The following PRKDC variants were observed in gnomAD, a reference collection of about 807,000 sequenced individuals.
PRKDC encodes the protein DNA-dependent protein kinase catalytic subunit.
In PRKDC, 82 loss-of-function variants were observed where a neutral mutation model predicts 486.9. That is an observed-to-expected ratio of 0.17 (90% CI 0.14 to 0.20). The LOEUF (loss-of-function observed/expected upper bound fraction) is 0.20. Ranked by LOEUF, PRKDC falls within the 10% of genes least tolerant of loss-of-function variation. The probability of loss-of-function intolerance (pLI) is 1.00; values close to 1 mark genes in which losing one functional copy is unlikely to be tolerated. For missense variants in PRKDC, 4,504 were observed against 5,038.2 expected, an observed-to-expected ratio of 0.89 and a Z score of 3.21; for synonymous variants, 1,895 against 1,837.0, an observed-to-expected ratio of 1.03 and a Z score of -0.81.
chr8:47,778,225 C>T (rs570937679), intron 83 of PRKDC, among the ~76,000 whole-genome samples: 9 of 152,306 alleles, frequency 5.9e-5, no homozygotes, highest in African/African-American at 2.2e-4. Context: ...TTCCTTTGAT[C>T]TGCGAACACA....
Position 47,888,615 on chromosome 8 carries a change from G to T in PRKDC, c.4316C>A (p.Pro1439His), listed in dbSNP as rs749276875. 2 of 1,593,762 alleles carry T rather than the reference G, an allele frequency of 1.3e-6. No homozygotes were observed. The highest frequency in any genetic ancestry group is 2.3e-5 in the South Asian group (2 of 86,954). ...EELCAVNLYG[P>H]DAQVDRSRLA... ...CCTGCTCCTGTCCACTTGCGCGTCA[G>T]GGCCATACAAGTTGACGGCACAAAG... Residue 1439 changes from proline (P) to histidine (H), a missense_variant, in exon 34 of 86, where the codon CCT becomes CAT. This residue lies in a region of PRKDC where 1,969 missense variants were observed against 2,068.9 expected (regional missense o/e 0.95). Coordinates refer to ENST00000314191, the MANE Select transcript of PRKDC (RefSeq NM_006904.7).
chr8:47,907,126 C>T lies in PRKDC; in HGVS notation c.2935-2150G>A, dbSNP rs79188779. Among the ~76,000 whole-genome samples, 1,741 of 151,166 alleles carry T rather than the reference C, an allele frequency of 0.012. 91 individuals are homozygous for T. The East Asian group carries it at 0.13, about 12-fold the overall frequency. On this transcript the variant is annotated intron_variant, in intron 25 of 85. Coordinates refer to ENST00000314191, the MANE Select transcript of PRKDC (RefSeq NM_006904.7). The stretch of plus-strand genomic sequence containing the variant: ...CGCAGTCTCTGCTCACTGCAAGCTC[C>T]GCCTCCCGGGTCCACGCCATTCTCC...
chr8:47,900,779 G>C (rs1280843198), intron 27 of PRKDC, among the ~76,000 whole-genome samples: 3 of 151,842 alleles, frequency 2.0e-5, no homozygotes, highest in African/African-American at 7.3e-5. Flanking sequence ...AACCCGGGAG[G>C]TGGAGCTTGC....
intron 7 of PRKDC, among the ~76,000 whole-genome samples, chr8:47,950,132 C>T (rs528152975): frequency 2.8e-4 from 43 of 151,938 alleles, no homozygotes; most frequent in Non-Finnish European, 4.6e-4. Context: ...ATCCGCTGAG[C>T]ATGGTGGCAC....
chr8:47,849,466 T>C lies in PRKDC; in HGVS notation c.7043A>G (p.Gln2348Arg). 4 of 1,614,036 alleles carry C rather than the reference T, an allele frequency of 2.5e-6. No homozygotes were observed. Among genetic ancestry groups the C allele is most frequent in the Non-Finnish European group, 3.4e-6 (4 of 1,179,908 alleles). ...EESLCELVAKQLKQHQNTMED... is the reference protein window; with the variant it reads ...EESLCELVAKRLKQHQNTMED... ...CATAGTATTCTGATGTTGCTTCAAT[T>C]GTTTCGCAACCAGTTCACACAGAGA... Residue 2348 changes from glutamine (Q) to arginine (R), a missense_variant, in exon 53 of 86, where the codon CAA (glutamine) becomes CGA (arginine). By Grantham distance (43) the Gln-to-Arg change is conservative (BLOSUM62 1). Coordinates refer to ENST00000314191, the MANE Select transcript of PRKDC (RefSeq NM_006904.7).
At chr8:47,863,657 T>A in intron 41 of PRKDC, 80 bp from the exon 42 acceptor site, 1 of 1,185,436 alleles carries the variant, frequency 8.4e-7, no homozygotes, top group Non-Finnish European at 1.2e-6. Context: ...AATTTAATAC[T>A]TAATATCCTT....
rs766871497 is a variant in PRKDC at position 47,831,899 on chromosome 8, C to T, written c.8180G>A (p.Arg2727Gln). 15 of 1,613,502 alleles carry T rather than the reference C, an allele frequency of 9.3e-6. No individual in the cohort carries two copies. The African/African-American group carries it at 1.5e-4, about 16-fold the overall frequency. ...KGAAGRTDLL[R>Q]LRRRFMRDQE... ...GTCCCTCATAAACCGTCTGCGCAGT[C>T]GTAGTAGGTCCGTCCGGCCGGCCGC... The change falls in exon 60 of 86, where the codon CGA becomes CAA. Residue 2727 changes from arginine to glutamine, a missense_variant. Arg to Gln is a conservative substitution (Grantham distance 43, BLOSUM62 1). This residue lies in a region of PRKDC where 1,592 missense variants were observed against 1,724.6 expected (regional missense o/e 0.92). Transcript: ENST00000314191.
In PRKDC at chr8:47,912,062, C is replaced by T. The variant is rs182293952; in HGVS notation, c.2934+348G>A. ...CTGGGATTACAGATGTGAGCCACCG[C>T]GCGCGGCCCATGGTTATTTCTCTCT... On this transcript the variant is annotated intron_variant, in intron 25 of 85. Transcript: ENST00000314191. Among the ~76,000 whole-genome samples the T allele has an allele frequency of 3.0e-3, 451 of 152,222 alleles. 2 individuals are homozygous for T. Among genetic ancestry groups the T allele is most frequent in the Non-Finnish European group, 4.2e-3 (285 of 68,022 alleles).
At position 47,852,702 on chromosome 8, in the gene PRKDC, T is replaced by C. The variant is rs1389341968; in HGVS notation, c.6976A>G (p.Ile2326Val). ...YAAAAEVLGLILRYVMERKNI... is the reference protein window; with the variant it reads ...YAAAAEVLGLVLRYVMERKNI... The stretch of plus-strand genomic sequence containing the variant: ...TTTCTCTCCATAACATATCGAAGTA[T>C]AAGTCCTAGAACTTCTGCTGCAGCG... Residue 2326 changes from isoleucine (I) to valine (V), a missense_variant, in exon 52 of 86, where the codon ATA becomes GTA. Physicochemically the swap from Ile to Val is conservative, Grantham distance 29 (BLOSUM62 3). Transcript: ENST00000314191. 1.3e-6 allele frequency: 2 copies of C among 1,577,032 alleles called. No individual in the cohort carries two copies. The highest frequency in any genetic ancestry group is 8.6e-7 in the Non-Finnish European group (1 of 1,159,360).
In PRKDC at chr8:47,879,568, C is replaced by A; in HGVS notation, c.5158G>T (p.Ala1720Ser). Reference sequence around the variant, plus strand: ...TCCCTGGACTGCATGGGGAAGTGAGCAACGATGAGCTGCTCCAGAACACGT... The same window carrying A: ...TCCCTGGACTGCATGGGGAAGTGAGAAACGATGAGCTGCTCCAGAACACGT... ...LRRVLEQLIV[A>S]HFPMQSREFP... is the part of the protein sequence containing the mutation. Residue 1720 changes from alanine to serine, a missense_variant, in exon 39 of 86, where the codon GCT (alanine) becomes TCT (serine). Ala to Ser is a moderately conservative substitution (Grantham distance 99). Coordinates refer to ENST00000314191, the MANE Select transcript of PRKDC (RefSeq NM_006904.7). 1 of 1,597,820 alleles carries A rather than the reference C, an allele frequency of 6.3e-7. No homozygotes were observed. The highest frequency in any genetic ancestry group is 1.7e-5 in the Admixed American group (1 of 57,490).
At chr8:47,775,851 C>A (rs2154497240) in intron 85 of PRKDC, among the ~76,000 whole-genome samples, 1 of 146,712 alleles carries the variant, frequency 6.8e-6, no homozygotes, top group African/African-American at 2.5e-5. Flanking sequence ...GAGGCAGAGT[C>A]TCACTTTGTC....
intron 4 of PRKDC, among the ~76,000 whole-genome samples, chr8:47,955,016 T>C (rs545042982): frequency 6.6e-6 from 1 of 151,286 alleles, no homozygotes; most frequent in South Asian, 2.1e-4. Context: ...TAGCCAGGCA[T>C]GGTGGCACAT....
chr8:47,903,693 G>A (rs1241352823), intron 26 of PRKDC, among the ~76,000 whole-genome samples: 2 of 152,050 alleles, frequency 1.3e-5, no homozygotes, highest in African/African-American at 4.8e-5. Context: ...CAACTATCTC[G>A]TTTTACTTAT....
rs2089506357 is a variant in PRKDC at position 47,893,378 on chromosome 8, G to C, written c.3608C>G (p.Ser1203Cys). The change falls in exon 31 of 86, where the codon TCC becomes TGC. Residue 1203 changes from serine to cysteine, a missense_variant. This residue lies in a region of PRKDC where 1,969 missense variants were observed against 2,068.9 expected (regional missense o/e 0.95). Coordinates refer to ENST00000314191, the MANE Select transcript of PRKDC (RefSeq NM_006904.7). ...AACATCTTTCAGCCACAAATTAGGGGATCTGTTGCCTTTAAAAAGAAACAA... is the reference window on the plus strand; with the variant it reads ...AACATCTTTCAGCCACAAATTAGGGCATCTGTTGCCTTTAAAAAGAAACAA... ...KFVPLLPGNR[S>C]PNLWLKDVLK... 1 of 1,515,614 alleles carries C rather than the reference G, an allele frequency of 6.6e-7. No individual in the cohort carries two copies. Among genetic ancestry groups the C allele is most frequent in the Middle Eastern group, 1.8e-4 (1 of 5,672 alleles). 93.9% of individuals were successfully genotyped at this position (1,515,614 alleles called of 1,614,324 possible). A position where few individuals can be genotyped will look rare whatever the true frequency, so the allele number is the denominator to read the frequency against.
intron 69 of PRKDC, among the ~76,000 whole-genome samples, chr8:47,806,072 TA>T (rs2087210692): frequency 6.6e-6 from 1 of 152,172 alleles, no homozygotes; most frequent in Non-Finnish European, 1.5e-5. Context: ...TCCATGCCCA[TA>T]AAGCCTACCC....
intron 10 of PRKDC, among the ~76,000 whole-genome samples, chr8:47,942,413 C>G (rs1046750558): frequency 6.6e-6 from 1 of 152,124 alleles, no homozygotes; most frequent in African/African-American, 2.4e-5. Context: ...CCCATCGGCT[C>G]AGTTTTTTGG....
At chr8:47,911,916 C>T (rs1365888142) in intron 25 of PRKDC, among the ~76,000 whole-genome samples, 3 of 151,922 alleles carry the variant, frequency 2.0e-5, no homozygotes, top group African/African-American at 4.8e-5. Flanking sequence ...ATTACAGATG[C>T]GCACCACCAC....
chr8:47,914,028 G>A lies in PRKDC; in HGVS notation c.2654C>T (p.Ala885Val), dbSNP rs1456633392. ...GCTCAGCCGCTTCTCTCTGTCCCAGGCCACATAGCTCTTCATCATCTCATC... is the reference window on the plus strand; with the variant it reads ...GCTCAGCCGCTTCTCTCTGTCCCAGACCACATAGCTCTTCATCATCTCATC... ...SSDEMMKSYV[A>V]WDREKRLSFA... Residue 885 changes from alanine (A) to valine (V), a missense_variant, in exon 24 of 86, where the codon GCC becomes GTC. Physicochemically the swap from Ala to Val is moderately conservative, Grantham distance 64. Around this residue, in one of 6 missense-constraint regions of PRKDC, gnomAD observed 1,969 missense variants for 2,068.9 expected, o/e 0.95. Transcript: ENST00000314191. 1 of 1,581,318 alleles carries A rather than the reference G, an allele frequency of 6.3e-7. No homozygotes were observed. The highest frequency in any genetic ancestry group is 8.6e-7 in the Non-Finnish European group (1 of 1,165,160).
chr8:47,917,390 C>T (rs1473257493), intron 22 of PRKDC, among the ~76,000 whole-genome samples: 1 of 152,158 alleles, frequency 6.6e-6, no homozygotes, highest in Non-Finnish European at 1.5e-5. Flanking sequence ...GTCTCTCAAT[C>T]AAAAGATGCC....
Sources: gnomAD v4.1 joint callset for allele counts (sites outside exome capture counted in the v4.1 genomes callset) on GRCh38, gnomAD v4.1.1 for gene constraint, gnomAD v4.1.1 regional missense constraint, MANE v1.5 for transcripts, NCBI Gene and HGNC (gene_info 2026-07-23, HGNC 2026-07-21) for gene names.